CERKL: variants seen among roughly 807,000 people sequenced by gnomAD.
CERKL encodes the protein ceramide kinase-like protein.
In CERKL, 61 loss-of-function variants were observed where a neutral mutation model predicts 63.4. The ratio of observed to expected loss-of-function variants is 0.96; its 90% CI spans 0.78 to 1.19. The LOEUF is 1.19. Ranked by LOEUF, CERKL falls within the 50% of genes most tolerant of loss-of-function variation. The pLI is 0.00. For missense variants in CERKL, 675 were observed against 655.5 expected (o/e 1.03, Z -0.33); for synonymous variants, 250 against 230.5 (o/e 1.08, Z -0.77).
intron 1 of CERKL, chr2:181,650,071 C>G (rs993889822): frequency 1.8e-4 from 15 of 83,934 alleles, no homozygotes; most frequent in Admixed American, 5.9e-4. Context: ...GGAGACAAAG[C>G]AATACAGAAG....
intron 4 of CERKL, among the ~76,000 whole-genome samples, chr2:181,560,844 TTAAG>T (rs1217313170): frequency 6.6e-6 from 1 of 152,170 alleles, no homozygotes; most frequent in African/African-American, 2.4e-5. Flanking sequence ...CAGTGTGAAA[TTAAG>T]TGAGTTAGAA....
chr2:181,551,494 G>A (rs1323734877), intron 5 of CERKL, among the ~76,000 whole-genome samples: 1 of 151,890 alleles, frequency 6.6e-6, no homozygotes. Context: ...TCAAAAAGTG[G>A]GCAAAGGATA....
chr2:181,587,810 T>A (rs774251104), intron 2 of CERKL, among the ~76,000 whole-genome samples: 18 of 152,154 alleles, frequency 1.2e-4, no homozygotes, highest in Non-Finnish European at 2.5e-4. Context: ...TTTTTCAAAG[T>A]ATCCTTTCTG....
chr2:181,600,627 T>C (rs60372485), intron 2 of CERKL, among the ~76,000 whole-genome samples: 30,559 of 151,998 alleles, frequency 0.2, 5,252 homozygotes, highest in African/African-American at 0.47. Flanking sequence ...AGGAGGGCAT[T>C]ATATAAAGGG....
intron 1 of CERKL, among the ~76,000 whole-genome samples, chr2:181,607,443 T>A (rs1685766870): frequency 6.6e-6 from 1 of 152,204 alleles, no homozygotes; most frequent in South Asian, 2.1e-4. Flanking sequence ...TGTTACGAAC[T>A]ATAGATGTTT....
chr2:181,591,971 T>TG (rs1221022016), intron 2 of CERKL, among the ~76,000 whole-genome samples: 1 of 152,136 alleles, frequency 6.6e-6, no homozygotes, highest in Admixed American at 6.6e-5. Context: ...TATTCTGTTG[T>TG]GCCGAAAAGT....
At position 181,537,147 on chromosome 2, in the gene CERKL, A is replaced by C; in HGVS notation, c.*1037T>G. On this transcript the variant is annotated 3_prime_UTR_variant, in exon 13 of 13. Coordinates refer to ENST00000410087, the MANE Select transcript of CERKL (RefSeq NM_201548.5). ...TTTAAAAAACTTTGTATCGTTATAA[A>C]AAGGCTAGTCATTCTTTCAGGAGAA... 2.2e-6 allele frequency: 1 copy of C among 453,848 alleles called. No individual in the cohort carries two copies. Among genetic ancestry groups the C allele is most frequent in the Non-Finnish European group, 4.4e-6 (1 of 226,686 alleles). The allele number at this position is 453,848 out of a possible 1,614,324, so 28.1% of individuals were successfully genotyped here. A position where few individuals can be genotyped will look rare whatever the true frequency, so the allele number is the denominator to read the frequency against.
At chr2:181,647,506 T>C (rs1687720089) in intron 1 of CERKL, among the ~76,000 whole-genome samples, 1 of 152,088 alleles carries the variant, frequency 6.6e-6, no homozygotes, top group African/African-American at 2.4e-5. Flanking sequence ...AATCAGACAT[T>C]GCTGTGAAGA....
At chr2:181,649,378 A>G (rs1433041897) in intron 1 of CERKL, among the ~76,000 whole-genome samples, 1 of 152,238 alleles carries the variant, frequency 6.6e-6, no homozygotes, top group East Asian at 1.9e-4. Flanking sequence ...ACATGTACCT[A>G]ATACCTAAGT....
At chr2:181,571,375 T>A (rs1688895707) in intron 3 of CERKL, among the ~76,000 whole-genome samples, 1 of 152,170 alleles carries the variant, frequency 6.6e-6, no homozygotes, top group African/African-American at 2.4e-5. Context: ...ATTTACAAAT[T>A]TAGAGAAAAA....
chr2:181,598,587 G>C (rs1323596318), intron 2 of CERKL, among the ~76,000 whole-genome samples: 3 of 151,986 alleles, frequency 2.0e-5, no homozygotes, highest in Admixed American at 6.6e-5. Context: ...TATTTTTTAA[G>C]TGCCATCTAC....
chr2:181,612,302 C>T (rs1686001591), intron 1 of CERKL, among the ~76,000 whole-genome samples: 1 of 152,166 alleles, frequency 6.6e-6, no homozygotes, highest in African/African-American at 2.4e-5. Context: ...ACAAAAATTA[C>T]AGATTTGTAA....
intron 1 of CERKL, among the ~76,000 whole-genome samples, chr2:181,634,179 G>A (rs80217351): frequency 1.3e-5 from 2 of 152,050 alleles, no homozygotes; most frequent in Admixed American, 6.6e-5. Flanking sequence ...GCATAAAAAC[G>A]AGAAAGGAAT....
At chr2:181,636,422 C>G (rs1687181806) in intron 1 of CERKL, among the ~76,000 whole-genome samples, 1 of 151,962 alleles carries the variant, frequency 6.6e-6, no homozygotes, top group Non-Finnish European at 1.5e-5. Flanking sequence ...CACTGGGCTC[C>G]TCAGTGTGGA....
chr2:181,549,197 T>C (rs1006802985), intron 6 of CERKL, among the ~76,000 whole-genome samples: 6 of 152,318 alleles, frequency 3.9e-5, no homozygotes, highest in African/African-American at 1.4e-4. Flanking sequence ...TTATATGCTT[T>C]TTACCAATAG....
chr2:181,599,275 C>T (rs1256828159), intron 2 of CERKL, among the ~76,000 whole-genome samples: 2 of 152,090 alleles, frequency 1.3e-5, no homozygotes, highest in African/African-American at 4.8e-5. Context: ...GTGGCTCACA[C>T]CTGTAATCAC....
intron 1 of CERKL, among the ~76,000 whole-genome samples, chr2:181,646,381 A>G (rs899800609): frequency 1.3e-5 from 2 of 152,256 alleles, no homozygotes; most frequent in Non-Finnish European, 2.9e-5. Context: ...ATTGTCCCAT[A>G]ACTTACACAA....
At position 181,571,499 on chromosome 2, in the gene CERKL, C is replaced by CT. The variant is rs143055579; in HGVS notation, c.613+2253dup. Among the ~76,000 whole-genome samples the CT allele has an allele frequency of 3.8e-3, 571 of 152,176 alleles. 4 individuals are homozygous for CT. The highest frequency in any genetic ancestry group is 0.013 in the African/African-American group (532 of 41,520). On this transcript the variant is annotated intron_variant, in intron 3 of 12. Transcript: ENST00000410087. ...ATATCAGTTTTCTTGTCTCCAATCT[C>CT]TTTTTCTCTCTTCCTTTTTAATTTT...
At chr2:181,596,004 T>C (rs1197723211) in intron 2 of CERKL, among the ~76,000 whole-genome samples, 1 of 152,190 alleles carries the variant, frequency 6.6e-6, no homozygotes, top group Non-Finnish European at 1.5e-5. Flanking sequence ...CATGTTAACT[T>C]ATTTAACAGC....
Sources: allele counts gnomAD v4.1 joint callset (sites outside exome capture counted in the v4.1 genomes callset), GRCh38; gene constraint gnomAD v4.1.1; transcripts MANE v1.5; gene names NCBI Gene and HGNC (gene_info 2026-07-23, HGNC 2026-07-21).